SI: variants seen among roughly 807,000 people sequenced by gnomAD.
The protein encoded by SI is sucrase-isomaltase, also known as sucrase-isomaltase, intestinal.
A neutral mutation model predicts 253.3 loss-of-function variants in SI; 235 were observed. The ratio of observed to expected loss-of-function variants is 0.93; its 90% CI spans 0.83 to 1.03. The LOEUF (loss-of-function observed/expected upper bound fraction) is 1.03, where lower values mean the gene tolerates loss of function less well. Among genes scored for constraint, SI ranks in the 50% least tolerant of loss-of-function variants. SI has a pLI of 0.00. For missense variants in SI, 2,442 were observed against 2,211.1 expected, an observed-to-expected ratio of 1.10 and a Z score of -2.09; for synonymous variants, 819 against 712.0, an observed-to-expected ratio of 1.15 and a Z score of -2.39.
chr3:165,071,472 G>A (rs1010601091), intron 3 of SI, among the ~76,000 whole-genome samples: 4 of 150,718 alleles, frequency 2.7e-5, no homozygotes, highest in Non-Finnish European at 5.9e-5. Flanking sequence ...TCATATATAT[G>A]TATATACATT....
chr3:165,009,242 A>C, intron 35 of SI, 37 bp downstream of exon 35: 2 of 1,381,930 alleles, frequency 1.4e-6, no homozygotes, highest in Non-Finnish European at 2.1e-6. Flanking sequence ...CTGCACAATA[A>C]ATAACTTAAA....
chr3:164,980,674 C>T (rs1717138666), intron 47 of SI, among the ~76,000 whole-genome samples: 1 of 151,732 alleles, frequency 6.6e-6, no homozygotes, highest in Non-Finnish European at 1.5e-5. Flanking sequence ...TATTTGTTCT[C>T]AACACTTAAA....
chr3:165,063,738 A>G lies in SI; in HGVS notation c.808-197T>C, dbSNP rs571679747. 3.3e-5 allele frequency among the ~76,000 whole-genome samples: 5 copies of G among 150,428 alleles called. No individual in the cohort carries two copies. The East Asian group carries it at 9.7e-4, about 29-fold the overall frequency. On this transcript the variant is annotated intron_variant, in intron 7 of 47. Coordinates refer to ENST00000264382, the MANE Select transcript of SI (RefSeq NM_001041.4). ...AACTTCAAACTTTTTAACATTATTAATATAGTAATGTATAAAATATATAAC... is the reference window on the plus strand; with the variant it reads ...AACTTCAAACTTTTTAACATTATTAGTATAGTAATGTATAAAATATATAAC...
chr3:165,042,696 T>A (rs1389924868), intron 17 of SI, among the ~76,000 whole-genome samples: 1 of 152,108 alleles, frequency 6.6e-6, no homozygotes, highest in African/African-American at 2.4e-5. Context: ...TATTATAACT[T>A]TTCTTTGTAT....
At chr3:165,015,876 C>T (rs187589723) in intron 32 of SI, 76 bp downstream of exon 32, 900 of 1,288,974 alleles carry the variant, frequency 7.0e-4, no homozygotes, top group Non-Finnish European at 9.2e-4. Flanking sequence ...TTTGAAACAT[C>T]TTCCCCCCCA....
intron 33 of SI, among the ~76,000 whole-genome samples, chr3:165,013,295 G>T (rs1718856211): frequency 6.6e-6 from 1 of 151,740 alleles, no homozygotes; most frequent in East Asian, 1.9e-4. Context: ...TAGTAATTTT[G>T]AAAATAATAC....
intron 40 of SI, among the ~76,000 whole-genome samples, chr3:164,995,634 C>T (rs1271533353): frequency 6.6e-6 from 1 of 151,620 alleles, no homozygotes; most frequent in Non-Finnish European, 1.5e-5. Flanking sequence ...TTTGTTGCTC[C>T]CATGTGGAAT....
intron 9 of SI, among the ~76,000 whole-genome samples, chr3:165,060,744 G>C (rs1323831536): frequency 6.7e-6 from 1 of 148,250 alleles, no homozygotes; most frequent in East Asian, 2.0e-4. Context: ...TTTTTCACCA[G>C]TTAGGTTATA....
chr3:165,013,780 A>T (rs537072034), intron 33 of SI, among the ~76,000 whole-genome samples: 42 of 152,220 alleles, frequency 2.8e-4, no homozygotes, highest in Non-Finnish European at 5.1e-4. Context: ...GAAATCTGAC[A>T]AAATGTGTAG....
intron 22 of SI, among the ~76,000 whole-genome samples, chr3:165,034,228 T>G (rs373020930): frequency 7.6e-4 from 116 of 152,046 alleles, no homozygotes; most frequent in African/African-American, 2.7e-3. Flanking sequence ...ATTCTGGTTT[T>G]CTTTCACTTT....
chr3:165,055,015 T>G lies in SI; in HGVS notation c.1512+179A>C, dbSNP rs568829607. Among the ~76,000 whole-genome samples the G allele has an allele frequency of 3.9e-5, 6 of 152,314 alleles. No individual in the cohort carries two copies. In the East Asian group the frequency reaches 1.2e-3, roughly 29 times the overall value. On this transcript the variant is annotated intron_variant, in intron 13 of 47. Transcript: ENST00000264382. ...TTGATTGGCATTTTTTGTTTTGTTT[T>G]GTTTTCTTACTTATGCACACGATGG...
intron 47 of SI, among the ~76,000 whole-genome samples, chr3:164,981,775 T>A (rs975167666): frequency 1.3e-5 from 2 of 152,174 alleles, no homozygotes; most frequent in African/African-American, 4.8e-5. Flanking sequence ...AGCTAAATAC[T>A]GGCAGCAATG....
chr3:164,987,040 CT>C (rs1717470626), intron 45 of SI, 97 bp downstream of exon 45: 1 of 945,038 alleles, frequency 1.1e-6, no homozygotes, highest in Non-Finnish European at 1.7e-6. Flanking sequence ...ATATTAATAG[CT>C]TTGTACTCAG....
At chr3:165,034,009 T>A (rs1712394891) in intron 22 of SI, among the ~76,000 whole-genome samples, 1 of 151,626 alleles carries the variant, frequency 6.6e-6, no homozygotes, top group Admixed American at 6.6e-5. Context: ...ATTCAATGTA[T>A]CTCTTTAAAG....
intron 23 of SI, 80 bp downstream of exon 23, chr3:165,033,315 T>A (rs948883863): frequency 1.5e-6 from 2 of 1,299,210 alleles, no homozygotes; most frequent in African/African-American, 3.0e-5. Context: ...AAACATCTTT[T>A]CCAAAAAATT....
rs534347198 is a variant in SI at position 165,050,625 on chromosome 3, G to A, written c.1513-750C>T. Among the ~76,000 whole-genome samples, 8 of 152,146 alleles carry A rather than the reference G, an allele frequency of 5.3e-5. No homozygotes were observed. In the East Asian group the frequency reaches 1.4e-3, roughly 26 times the overall value. On this transcript the variant is annotated intron_variant, in intron 13 of 47. Transcript: ENST00000264382. ...CATATATCACAGTACATATACTCAAGAAATATGCATTTCATCTTTCTTCTC... is the reference window on the plus strand; with the variant it reads ...CATATATCACAGTACATATACTCAAAAAATATGCATTTCATCTTTCTTCTC...
chr3:165,047,765 G>A (rs1713198891), intron 15 of SI, among the ~76,000 whole-genome samples: 1 of 151,826 alleles, frequency 6.6e-6, no homozygotes, highest in African/African-American at 2.4e-5. Context: ...GTAGTGTGAT[G>A]ACTCCAATTA....
chr3:165,061,487 A>T (rs893990917), intron 9 of SI, among the ~76,000 whole-genome samples: 1 of 152,048 alleles, frequency 6.6e-6, no homozygotes, highest in Non-Finnish European at 1.5e-5. Context: ...TAAACTGCAA[A>T]AAACCTTAGC....
upstream of SI, among the ~76,000 whole-genome samples, chr3:165,082,933 G>A (rs927250627): frequency 6.6e-6 from 1 of 151,940 alleles, no homozygotes; most frequent in Non-Finnish European, 1.5e-5. Flanking sequence ...CTAGAGAAAG[G>A]AAGGCTAGCT....
Sources: gnomAD v4.1 joint callset for allele counts (sites outside exome capture counted in the v4.1 genomes callset) on GRCh38, gnomAD v4.1.1 for gene constraint, MANE v1.5 for transcripts, NCBI Gene and HGNC (gene_info 2026-07-23, HGNC 2026-07-21) for gene names.